Variants in TRPM1 observed in about 807,000 individuals in gnomAD.
TRPM1 encodes the protein transient receptor potential cation channel subfamily M member 1, also known as TRPM1-203 APA Isoform, Intron 10.
Under a neutral mutation model 149.4 loss-of-function variants are expected in TRPM1, and 113 were observed. The ratio of observed to expected loss-of-function variants is 0.76; its 90% CI spans 0.65 to 0.88. The LOEUF (loss-of-function observed/expected upper bound fraction) is 0.88, where lower values mean the gene tolerates loss of function less well. Ranked by LOEUF, TRPM1 falls within the 40% of genes least tolerant of loss-of-function variation. The pLI, the probability that TRPM1 is intolerant of heterozygous loss-of-function variation, is 0.00. For missense variants in TRPM1, 1,976 were observed against 2,038.7 expected (o/e 0.97, Z 0.59); for synonymous variants, 741 against 759.5 (o/e 0.98, Z 0.40).
At chr15:31,089,674 A>G (rs371413134) in intron 1 of TRPM1, among the ~76,000 whole-genome samples, 4 of 152,218 alleles carry the variant, frequency 2.6e-5, no homozygotes, top group African/African-American at 4.8e-5. Context: ...GGTTCACCCT[A>G]TGATTGAGGA....
chr15:31,067,635 T>A (rs1350555137), intron 5 of TRPM1, among the ~76,000 whole-genome samples: 1 of 152,172 alleles, frequency 6.6e-6, no homozygotes, highest in Non-Finnish European at 1.5e-5. Context: ...CAAGGAATAT[T>A]GCATGTCATG....
chr15:31,113,143 T>C (rs1399576925), intron 1 of TRPM1, among the ~76,000 whole-genome samples: 1 of 152,162 alleles, frequency 6.6e-6, no homozygotes, highest in East Asian at 1.9e-4. Flanking sequence ...CACTGTGTCT[T>C]CTGCCTGAAT....
intron 1 of TRPM1, among the ~76,000 whole-genome samples, chr15:31,113,538 T>C (rs2035741882): frequency 6.6e-6 from 1 of 151,480 alleles, no homozygotes; most frequent in South Asian, 2.1e-4. Context: ...ACATTTTTCT[T>C]TGTACTCCTA....
At chr15:31,005,907 A>G (rs1017380423) in intron 27 of TRPM1, among the ~76,000 whole-genome samples, 1 of 152,218 alleles carries the variant, frequency 6.6e-6, no homozygotes, top group Non-Finnish European at 1.5e-5. Context: ...CTAGGAATCA[A>G]TTTGACAAGA....
chr15:31,048,459 A>AT (rs1388946849), intron 13 of TRPM1, among the ~76,000 whole-genome samples: 2 of 152,016 alleles, frequency 1.3e-5, no homozygotes, highest in Non-Finnish European at 2.9e-5. Context: ...TTTCTGTTGC[A>AT]TTTTTTTAAA....
At chr15:31,088,833 C>G (rs767986831) in intron 1 of TRPM1, among the ~76,000 whole-genome samples, 12 of 150,618 alleles carry the variant, frequency 8.0e-5, no homozygotes, top group African/African-American at 2.4e-4. Context: ...GCCTTTGTAC[C>G]GGGGCGATGC....
Position 31,001,599 on chromosome 15 carries a change from A to T in TRPM1, c.*223T>A. The T allele has an allele frequency of 1.7e-6, 1 of 603,784 alleles. No individual in the cohort carries two copies. Among genetic ancestry groups the T allele is most frequent in the Non-Finnish European group, 2.9e-6 (1 of 345,396 alleles). 37.4% of individuals were successfully genotyped at this position (603,784 alleles called of 1,614,324 possible). ...TGATTAGCCAATTTATCTTCGTTAC[A>T]GTATCATCACTTTCATTTGATACTA... On this transcript the variant is annotated 3_prime_UTR_variant, in exon 28 of 28. Coordinates refer to ENST00000256552, the MANE Select transcript of TRPM1 (RefSeq NM_001252024.2).
intron 1 of TRPM1, among the ~76,000 whole-genome samples, chr15:31,095,067 C>T (rs969172616): frequency 6.6e-6 from 1 of 152,238 alleles, no homozygotes; most frequent in Non-Finnish European, 1.5e-5. Context: ...AAGCATGCCA[C>T]ATGGGTGAAC....
At chr15:31,115,122 G>C (rs1167010516) in intron 1 of TRPM1, among the ~76,000 whole-genome samples, 1 of 152,116 alleles carries the variant, frequency 6.6e-6, no homozygotes, top group African/African-American at 2.4e-5. Context: ...GTCGAGCATG[G>C]TGGCGGGTGC....
chr15:31,156,609 C>G (rs537951228), intron 1 of TRPM1, among the ~76,000 whole-genome samples: 14 of 152,278 alleles, frequency 9.2e-5, no homozygotes, highest in African/African-American at 3.1e-4. Context: ...GGCCACCCTC[C>G]CCACAATATG....
At position 31,002,726 on chromosome 15, in the gene TRPM1, G is replaced by C; in HGVS notation, c.3974C>G (p.Ser1325Cys). 6.2e-7 allele frequency: 1 copy of C among 1,614,192 alleles called. No homozygotes were observed. The highest frequency in any genetic ancestry group is 8.5e-7 in the Non-Finnish European group (1 of 1,180,044). The change falls in exon 28 of 28, where the codon TCC becomes TGC. Residue 1325 changes from serine (S) to cysteine (C), a missense_variant. By Grantham distance (112) the Ser-to-Cys change is moderately radical (BLOSUM62 -1). Around this residue, in one of 3 missense-constraint regions of TRPM1, gnomAD observed 572 missense variants for 578.9 expected, o/e 0.99. Transcript: ENST00000256552. ...GTCCTTCTCTTCCTTTATACGGAAGGAACAGGTTTTTTTCCTGACTCCTGT... is the reference window on the plus strand; with the variant it reads ...GTCCTTCTCTTCCTTTATACGGAAGCAACAGGTTTTTTTCCTGACTCCTGT... Reference protein sequence around the residue: ...PGTGVRKKTCSFRIKEEKDVK... With the variant: ...PGTGVRKKTCCFRIKEEKDVK...
intron 1 of TRPM1, among the ~76,000 whole-genome samples, chr15:31,113,590 GGTTT>G (rs1490339992): frequency 3.9e-5 from 6 of 152,052 alleles, no homozygotes; most frequent in South Asian, 2.1e-4. Flanking sequence ...TACAACTGCA[GGTTT>G]GTTACACAAG....
At chr15:31,116,602 GAAATAAATAAAT>G (rs56343838) in intron 1 of TRPM1, among the ~76,000 whole-genome samples, 11,321 of 143,686 alleles carry the variant, frequency 0.079, 1,475 homozygotes, top group African/African-American at 0.27. Flanking sequence ...AACTCCATCT[GAAATAAATAAAT>G]AAATAAATAA....
rs1368962963 is a variant in TRPM1 at position 31,040,447 on chromosome 15, T to C, written c.2088-101A>G. On this transcript the variant is annotated intron_variant, in intron 17 of 27. Transcript: ENST00000256552. This position sits in a 1 kb window ranked among gnomAD's most constrained non-coding sequence, Gnocchi z 4.2. ...GGACTTATGGAGCCACGGGACACAGTATCCTTCACTGGAGGGGCTCTGAGG... is the reference window on the plus strand; with the variant it reads ...GGACTTATGGAGCCACGGGACACAGCATCCTTCACTGGAGGGGCTCTGAGG... 7 of 942,440 alleles carry C rather than the reference T, an allele frequency of 7.4e-6. No individual in the cohort carries two copies. Among genetic ancestry groups the C allele is most frequent in the Admixed American group, 1.9e-5 (1 of 51,548 alleles). 58.4% of individuals were successfully genotyped at this position (942,440 alleles called of 1,614,324 possible). A position where few individuals can be genotyped will look rare whatever the true frequency, so the allele number is the denominator to read the frequency against.
chr15:31,052,623 T>C (rs1267397669), intron 11 of TRPM1, among the ~76,000 whole-genome samples: 1 of 151,882 alleles, frequency 6.6e-6, no homozygotes, highest in African/African-American at 2.4e-5. Flanking sequence ...AAAAATACAA[T>C]AATTAGCTGG....
chr15:31,124,960 G>A (rs1596087548), intron 1 of TRPM1, among the ~76,000 whole-genome samples: 2 of 152,066 alleles, frequency 1.3e-5, no homozygotes, highest in South Asian at 4.2e-4. Flanking sequence ...GATCACCTGA[G>A]GTTAGGAGTT....
Position 31,024,027 on chromosome 15 carries a change from G to A in TRPM1, c.3629+2112C>T, listed in dbSNP as rs142075931. ...AATGATTAATGGGTACCCATCCTGT[G>A]TGAACACGCCTGTAAAACTGAGTCA... On this transcript the variant is annotated intron_variant, in intron 27 of 27. Coordinates refer to ENST00000256552, the MANE Select transcript of TRPM1 (RefSeq NM_001252024.2). Among the ~76,000 whole-genome samples, 187 of 152,250 alleles carry A rather than the reference G, an allele frequency of 1.2e-3. 1 individual carries two copies. Among genetic ancestry groups the A allele is most frequent in the African/African-American group, 4.2e-3 (174 of 41,540 alleles).
chr15:31,076,775 G>A (rs1181510827), intron 3 of TRPM1, 130 bp downstream of exon 3: 10 of 766,784 alleles, frequency 1.3e-5, no homozygotes, highest in Non-Finnish European at 2.4e-5. Context: ...TGACTCCCTT[G>A]TTAGTGACTC....
intron 1 of TRPM1, among the ~76,000 whole-genome samples, chr15:31,147,158 G>C (rs969535218): frequency 6.6e-6 from 1 of 152,154 alleles, no homozygotes; most frequent in Admixed American, 6.5e-5. Flanking sequence ...GCCAGTTGAG[G>C]CCTTTAAACT....
Sources: gnomAD v4.1 joint callset for allele counts (sites outside exome capture counted in the v4.1 genomes callset) on GRCh38, gnomAD v4.1.1 for gene constraint, gnomAD v4.1.1 regional missense constraint, Gnocchi (gnomAD v3.1) non-coding constraint, MANE v1.5 for transcripts, NCBI Gene and HGNC (gene_info 2026-07-23, HGNC 2026-07-21) for gene names.